DPP10: variants seen among roughly 807,000 people sequenced by gnomAD.
DPP10 encodes the protein dipeptidyl peptidase like 10.
In DPP10, 33 loss-of-function variants were observed where a neutral mutation model predicts 120.9. That is an observed-to-expected ratio of 0.27 (90% CI 0.21 to 0.37). DPP10 has a LOEUF of 0.37. Among genes scored for constraint, DPP10 ranks in the 10% least tolerant of loss-of-function variants. The pLI is 1.00. For missense variants in DPP10, 816 were observed against 942.8 expected, an observed-to-expected ratio of 0.87 and a Z score of 1.76; for synonymous variants, 337 against 326.1, an observed-to-expected ratio of 1.03 and a Z score of -0.36.
intron 1 of DPP10, among the ~76,000 whole-genome samples, chr2:115,086,900 C>G (rs1708755251): frequency 6.6e-6 from 1 of 152,190 alleles, no homozygotes; most frequent in Admixed American, 6.5e-5. Context: ...ATATTTGTCT[C>G]AGAATAAATC....
intron 1 of DPP10, among the ~76,000 whole-genome samples, chr2:114,471,396 G>A (rs1246244076): frequency 2.0e-5 from 3 of 152,144 alleles, no homozygotes; most frequent in Admixed American, 2.0e-4. Flanking sequence ...CAGCATTGCT[G>A]TGCTGTTAGA....
chr2:115,013,027 A>G (rs917167065), intron 1 of DPP10, among the ~76,000 whole-genome samples: 1 of 152,142 alleles, frequency 6.6e-6, no homozygotes, highest in African/African-American at 2.4e-5. Flanking sequence ...TGTGAATTTG[A>G]TCCTGTCGTT....
At chr2:115,125,568 C>CTT (rs57686926) in intron 1 of DPP10, among the ~76,000 whole-genome samples, 11,015 of 111,966 alleles carry the variant, frequency 0.098, 1,378 homozygotes, top group African/African-American at 0.25. Flanking sequence ...ATCATAATGG[C>CTT]TTTTTTTTTT....
chr2:115,136,118 T>C (rs2050636953), intron 1 of DPP10, among the ~76,000 whole-genome samples: 1 of 151,998 alleles, frequency 6.6e-6, no homozygotes, highest in Non-Finnish European at 1.5e-5. Context: ...GAGTATGCCA[T>C]GGATAGACAC....
chr2:115,647,375 C>A (rs2149366568), intron 5 of DPP10, among the ~76,000 whole-genome samples: 1 of 152,220 alleles, frequency 6.6e-6, no homozygotes, highest in African/African-American at 2.4e-5. Context: ...TGATTATACT[C>A]ATTCATTAGC....
intron 1 of DPP10, among the ~76,000 whole-genome samples, chr2:115,280,330 G>A (rs1020631169): frequency 5.9e-5 from 9 of 152,142 alleles, no homozygotes; most frequent in African/African-American, 1.9e-4. Flanking sequence ...TTTAAAAAAT[G>A]AATATATTGG....
chr2:115,577,255 G>A (rs528512330), intron 5 of DPP10, among the ~76,000 whole-genome samples: 6 of 152,276 alleles, frequency 3.9e-5, no homozygotes, highest in African/African-American at 4.8e-5. Context: ...CTAGGGTTCC[G>A]TAGAGTCTAG....
intron 1 of DPP10, among the ~76,000 whole-genome samples, chr2:114,736,246 C>T (rs902335566): frequency 5.9e-5 from 9 of 151,990 alleles, no homozygotes; most frequent in Admixed American, 2.6e-4. Context: ...TAACTCTGTG[C>T]GTGCTCATGC....
intron 1 of DPP10, among the ~76,000 whole-genome samples, chr2:114,533,559 ATGGCACACG>A (rs1416862854): frequency 6.6e-6 from 1 of 152,036 alleles, no homozygotes; most frequent in Non-Finnish European, 1.5e-5. Context: ...GCAAACCACT[ATGGCACACG>A]TTTACCTGTG....
At chr2:115,247,231 G>GT (rs943307018) in intron 1 of DPP10, among the ~76,000 whole-genome samples, 10 of 151,974 alleles carry the variant, frequency 6.6e-5, no homozygotes, top group African/African-American at 1.2e-4. Context: ...AGGATCTACT[G>GT]TTTTTTTACA....
intron 5 of DPP10, among the ~76,000 whole-genome samples, chr2:115,567,896 A>C (rs887594072): frequency 6.6e-6 from 1 of 152,134 alleles, no homozygotes; most frequent in Non-Finnish European, 1.5e-5. Context: ...AAAGGTAAGA[A>C]ATATTTCAGT....
At position 115,499,423 on chromosome 2, in the gene DPP10, CTG is replaced by C. The variant is rs139676555; in HGVS notation, c.272-85_272-84del. ...GCTAAAAATGATTATTCTAATGTGT[CTG>C]TTTATTTTGCACGTTTTCTCCCCTA... On this transcript the variant is annotated intron_variant, in intron 3 of 25. Coordinates refer to ENST00000410059, the MANE Select transcript of DPP10 (RefSeq NM_020868.6). 1,816 of 1,005,882 alleles carry C rather than the reference CTG, an allele frequency of 1.8e-3. 13 individuals carry two copies. The African/African-American group carries it at 0.025, about 14-fold the overall frequency. The allele number at this position is 1,005,882 out of a possible 1,614,324, so 62.3% of individuals were successfully genotyped here.
chr2:114,886,838 T>A (rs1692115089), intron 1 of DPP10, among the ~76,000 whole-genome samples: 1 of 152,172 alleles, frequency 6.6e-6, no homozygotes, highest in Admixed American at 6.5e-5. Context: ...GAAAAGTCAT[T>A]CAGTTGCATG....
chr2:115,632,060 G>A (rs2085918477), intron 5 of DPP10, among the ~76,000 whole-genome samples: 1 of 152,102 alleles, frequency 6.6e-6, no homozygotes, highest in African/African-American at 2.4e-5. Flanking sequence ...CTCTTTGTAG[G>A]TCTCTAAGAA....
At chr2:115,017,718 G>T (rs994367805) in intron 1 of DPP10, among the ~76,000 whole-genome samples, 2 of 151,962 alleles carry the variant, frequency 1.3e-5, no homozygotes, top group African/African-American at 2.4e-5. Flanking sequence ...CATGGATGAA[G>T]CTGGAAACCA....
At chr2:115,816,091 G>A (rs956814537) in intron 21 of DPP10, among the ~76,000 whole-genome samples, 1 of 151,928 alleles carries the variant, frequency 6.6e-6, no homozygotes, top group Non-Finnish European at 1.5e-5. Flanking sequence ...TATTTATTGG[G>A]CAGTTAGTTG....
chr2:115,178,852 G>A (rs1033687905), intron 1 of DPP10, among the ~76,000 whole-genome samples: 82 of 152,078 alleles, frequency 5.4e-4, no homozygotes, highest in African/African-American at 1.8e-3. Context: ...AAATATCATC[G>A]GGTCAAAAAT....
chr2:115,669,114 G>T lies in DPP10; in HGVS notation c.442-20573G>T, dbSNP rs141515287. The stretch of plus-strand genomic sequence containing the variant: ...GGTTTCTTAGACTAGGGGAATATGT[G>T]TTATTGTTACTGTTATTGAGTAGGA... On this transcript the variant is annotated intron_variant, in intron 5 of 25. Transcript: ENST00000410059. 1.1e-4 allele frequency among the ~76,000 whole-genome samples: 16 copies of T among 152,182 alleles called. No homozygotes were observed. The East Asian group carries it at 3.1e-3, about 29-fold the overall frequency.
At position 114,618,190 on chromosome 2, in the gene DPP10, A is replaced by G. The variant is rs572345244; in HGVS notation, c.60+175352A>G. On this transcript the variant is annotated intron_variant, in intron 1 of 25. Coordinates refer to ENST00000410059, the MANE Select transcript of DPP10 (RefSeq NM_020868.6). ...TCCATCATGTTAATATCATTGGATT[A>G]ATTGCACCACTTTTTTTTGAATCCT... Among the ~76,000 whole-genome samples the G allele has an allele frequency of 1.1e-4, 17 of 152,170 alleles. No individual in the cohort carries two copies. In the East Asian group the frequency reaches 3.3e-3, roughly 29 times the overall value.
Sources: gnomAD v4.1 joint callset for allele counts (sites outside exome capture counted in the v4.1 genomes callset) on GRCh38, gnomAD v4.1.1 for gene constraint, MANE v1.5 for transcripts, NCBI Gene and HGNC (gene_info 2026-07-23, HGNC 2026-07-21) for gene names.